The following PREX2 variants were observed in gnomAD, a reference collection of about 807,000 sequenced individuals.
PREX2 encodes the protein phosphatidylinositol 3,4,5-trisphosphate-dependent Rac exchanger 2 protein.
In PREX2, 107 loss-of-function variants were observed where a neutral mutation model predicts 203.2. That is an observed-to-expected ratio of 0.53 (90% CI 0.45 to 0.62). The LOEUF is 0.62. Among genes scored for constraint, PREX2 ranks in the 20% least tolerant of loss-of-function variants. The pLI is 0.00. For synonymous variants in PREX2, 672 were observed against 663.6 expected, an observed-to-expected ratio of 1.01 and a Z score of -0.19; for missense variants, 1,777 against 1,955.9, an observed-to-expected ratio of 0.91 and a Z score of 1.72.
In PREX2 at chr8:68,212,970, A is replaced by G. The variant is rs1608755; in HGVS notation, c.4605-4646A>G. Among the ~76,000 whole-genome samples the G allele has an allele frequency of 1.8e-3, 272 of 152,224 alleles. 4 individuals carry two copies. The East Asian group carries it at 0.047, about 26-fold the overall frequency. ...AACCTTTTTGTCCTCCAAAACATAT[A>G]TATTTCCCATCCTGGGGGCCTCAGG... On this transcript the variant is annotated intron_variant, in intron 37 of 39. Transcript: ENST00000288368.
rs539051773 is a variant in PREX2, at chr8:68,027,971, G to A, written c.543+648G>A. ...CCTTACTGCAAGGGACCTATGAATAGGTCAAGATGGCAATTTTTGAAACTG... is the reference window on the plus strand; with the variant it reads ...CCTTACTGCAAGGGACCTATGAATAAGTCAAGATGGCAATTTTTGAAACTG... On this transcript the variant is annotated intron_variant, in intron 5 of 39. Transcript: ENST00000288368. Among the ~76,000 whole-genome samples, 225 of 152,084 alleles carry A rather than the reference G, an allele frequency of 1.5e-3. 2 individuals carry two copies. Among genetic ancestry groups the A allele is most frequent in the Middle Eastern group, 0.014 (4 of 294 alleles).
At chr8:68,178,331 T>TG (rs1296784640) in intron 35 of PREX2, among the ~76,000 whole-genome samples, 1 of 152,202 alleles carries the variant, frequency 6.6e-6, no homozygotes, top group Non-Finnish European at 1.5e-5. Flanking sequence ...TGGTATGAGA[T>TG]GGTATCTCAT....
At chr8:68,021,314 C>T (rs750156317) in intron 3 of PREX2, among the ~76,000 whole-genome samples, 20 of 152,206 alleles carry the variant, frequency 1.3e-4, no homozygotes, top group Non-Finnish European at 2.8e-4. Flanking sequence ...TTTGGAGCTA[C>T]ATAGGACTGT....
chr8:68,221,806 A>G (rs1812959025), intron 38 of PREX2, among the ~76,000 whole-genome samples: 1 of 152,220 alleles, frequency 6.6e-6, no homozygotes, highest in Non-Finnish European at 1.5e-5. Flanking sequence ...GAATTACTTA[A>G]TGGAAATATT....
chr8:68,152,776 A>G (rs1483592741), intron 34 of PREX2, among the ~76,000 whole-genome samples: 1 of 152,116 alleles, frequency 6.6e-6, no homozygotes, highest in Non-Finnish European at 1.5e-5. Flanking sequence ...AGCAGCCACT[A>G]CCAATGGCGA....
chr8:68,204,668 T>G (rs1350785348), intron 37 of PREX2, among the ~76,000 whole-genome samples: 7 of 147,760 alleles, frequency 4.7e-5, no homozygotes, highest in African/African-American at 1.8e-4. Flanking sequence ...TTCTTTTTTC[T>G]TTCTTCTTTC....
chr8:67,953,499 C>A (rs1805413022), intron 1 of PREX2, among the ~76,000 whole-genome samples: 1 of 152,048 alleles, frequency 6.6e-6, no homozygotes, highest in Non-Finnish European at 1.5e-5. Context: ...TTCAAAGAAC[C>A]AGGAGCTTTA....
chr8:67,977,090 G>A (rs941623869), intron 1 of PREX2, among the ~76,000 whole-genome samples: 15 of 152,174 alleles, frequency 9.9e-5, no homozygotes, highest in Non-Finnish European at 2.1e-4. Flanking sequence ...TTCTAACCCC[G>A]CAATGTGATG....
intron 5 of PREX2, among the ~76,000 whole-genome samples, 191 bp downstream of exon 5, chr8:68,027,514 C>T (rs1343206019): frequency 6.6e-6 from 1 of 152,002 alleles, no homozygotes; most frequent in Non-Finnish European, 1.5e-5. Context: ...GGAAAAGCCA[C>T]TGAAAGAGCT....
At position 68,162,807 on chromosome 8, in the gene PREX2, A is replaced by G. The variant is rs193087961; in HGVS notation, c.4346+5371A>G. Among the ~76,000 whole-genome samples, 173 of 152,176 alleles carry G rather than the reference A, an allele frequency of 1.1e-3. 1 individual carries two copies. Among genetic ancestry groups the G allele is most frequent in the African/African-American group, 4.0e-3 (164 of 41,514 alleles). ...CTCTGAGGACTTGTCCCCAGACCTC[A>G]CTGTGGCCATCTGTCCAGATCCCAG... On this transcript the variant is annotated intron_variant, in intron 35 of 39. Transcript: ENST00000288368.
intron 17 of PREX2, among the ~76,000 whole-genome samples, chr8:68,081,329 C>A (rs368508664): frequency 6.6e-6 from 1 of 152,102 alleles, no homozygotes; most frequent in Non-Finnish European, 1.5e-5. Flanking sequence ...CTCACTCGCC[C>A]GCCGCTCACC....
chr8:68,115,796 A>G lies in PREX2; in HGVS notation c.3190A>G (p.Thr1064Ala), dbSNP rs1810644305. 6.2e-7 allele frequency: 1 copy of G among 1,612,824 alleles called. No homozygotes were observed. Among genetic ancestry groups the G allele is most frequent in the Non-Finnish European group, 8.5e-7 (1 of 1,179,626 alleles). Residue 1064 changes from threonine (T) to alanine (A), a missense_variant, in exon 26 of 40, where the codon ACA becomes GCA. Coordinates refer to ENST00000288368, the MANE Select transcript of PREX2 (RefSeq NM_024870.4). ...ATATTCTCCTAAATTAGAACGTAAG[A>G]CATCAGAGGGCATAATACCAACAGA... ...ITYSPKLERK[T>A]SEGIIPTDSD...
chr8:68,102,002 T>C (rs570642714), intron 23 of PREX2, among the ~76,000 whole-genome samples: 2 of 152,274 alleles, frequency 1.3e-5, no homozygotes, highest in Non-Finnish European at 2.9e-5. Flanking sequence ...ATAGTCACCT[T>C]GGAAGGTGAG....
At chr8:68,020,479 G>T (rs1194374878) in intron 3 of PREX2, among the ~76,000 whole-genome samples, 1 of 152,116 alleles carries the variant, frequency 6.6e-6, no homozygotes, top group African/African-American at 2.4e-5. Flanking sequence ...TTTAGTGATA[G>T]AAATAAAATT....
intron 1 of PREX2, among the ~76,000 whole-genome samples, chr8:67,993,959 T>G (rs1323341840): frequency 6.6e-6 from 1 of 152,202 alleles, no homozygotes; most frequent in Non-Finnish European, 1.5e-5. Flanking sequence ...GTTCTCATCA[T>G]TAATAACACT....
intron 2 of PREX2, among the ~76,000 whole-genome samples, chr8:68,019,322 G>A (rs540522065): frequency 6.6e-6 from 1 of 152,322 alleles, no homozygotes; most frequent in East Asian, 1.9e-4. Context: ...ACCTGGCTTG[G>A]GTTGGGCAAC....
chr8:67,996,498 A>G (rs4371990), intron 1 of PREX2, among the ~76,000 whole-genome samples: 33,745 of 151,742 alleles, frequency 0.22, 4,788 homozygotes, highest in East Asian at 0.54. Flanking sequence ...CTGGCCTTTT[A>G]GTATTGTTTT....
At chr8:68,072,360 G>T in intron 13 of PREX2, 135 bp from the exon 14 acceptor site, 2 of 519,204 alleles carry the variant, frequency 3.9e-6, no homozygotes, top group Non-Finnish European at 3.4e-6. Context: ...ATGTAATTTG[G>T]GCAACTAACT....
chr8:68,209,045 C>T (rs1436430801), intron 37 of PREX2, among the ~76,000 whole-genome samples: 4 of 136,678 alleles, frequency 2.9e-5, no homozygotes, highest in African/African-American at 5.6e-5. Flanking sequence ...CCAGCCTTAG[C>T]GACAGAGCAA....
Sources: allele counts gnomAD v4.1 joint callset (sites outside exome capture counted in the v4.1 genomes callset), GRCh38; gene constraint gnomAD v4.1.1; transcripts MANE v1.5; gene names NCBI Gene and HGNC (gene_info 2026-07-23, HGNC 2026-07-21).